GPC6: variants seen among roughly 807,000 people sequenced by gnomAD.
GPC6 encodes glypican-6.
A neutral mutation model predicts 55.2 loss-of-function variants in GPC6; 14 were observed. The ratio of observed to expected loss-of-function variants is 0.25; its 90% CI spans 0.17 to 0.40. GPC6 has a LOEUF of 0.40. GPC6 is among the 10% of genes least tolerant of loss of function. GPC6 has a pLI of 1.00. For synonymous variants in GPC6, 278 were observed against 259.6 expected, an observed-to-expected ratio of 1.07 and a Z score of -0.68; for missense variants, 641 against 708.5, an observed-to-expected ratio of 0.90 and a Z score of 1.08.
chr13:93,451,357 A>G (rs939875547), intron 1 of GPC6, among the ~76,000 whole-genome samples: 2 of 152,216 alleles, frequency 1.3e-5, no homozygotes, highest in African/African-American at 4.8e-5. Flanking sequence ...TTGTATTAAA[A>G]TAGGGTTTGG....
At chr13:93,788,758 T>C (rs527432460) in intron 2 of GPC6, among the ~76,000 whole-genome samples, 1 of 152,216 alleles carries the variant, frequency 6.6e-6, no homozygotes, top group African/African-American at 2.4e-5. Flanking sequence ...AAGGGTTTTG[T>C]GTACTGTGTT....
At chr13:93,989,247 T>C (rs998934853) in intron 3 of GPC6, among the ~76,000 whole-genome samples, 2 of 152,190 alleles carry the variant, frequency 1.3e-5, no homozygotes, top group Non-Finnish European at 2.9e-5. Context: ...AGGTTGTACA[T>C]GTCTGTTTTA....
intron 4 of GPC6, among the ~76,000 whole-genome samples, chr13:94,155,272 C>T (rs1446705671): frequency 6.6e-6 from 1 of 152,076 alleles, no homozygotes; most frequent in African/African-American, 2.4e-5. Context: ...TATTAATGGC[C>T]TCATCATTCT....
chr13:94,079,091 A>C (rs1885019319), intron 4 of GPC6, among the ~76,000 whole-genome samples: 1 of 152,136 alleles, frequency 6.6e-6, no homozygotes, highest in African/African-American at 2.4e-5. Flanking sequence ...ACAGTACAGT[A>C]TAACATCTAT....
intron 6 of GPC6, among the ~76,000 whole-genome samples, chr13:94,343,362 C>G (rs1226586047): frequency 6.6e-6 from 1 of 152,282 alleles, no homozygotes; most frequent in Middle Eastern, 3.4e-3. Flanking sequence ...CCTTTGCCTC[C>G]GCACAAAAGC....
chr13:94,230,219 A>G (rs1351337479), intron 4 of GPC6, among the ~76,000 whole-genome samples: 2 of 152,120 alleles, frequency 1.3e-5, no homozygotes, highest in African/African-American at 4.8e-5. Context: ...TTATCTAGAG[A>G]AAAGGAATTC....
intron 2 of GPC6, among the ~76,000 whole-genome samples, chr13:93,739,317 G>A (rs564918896): frequency 3.8e-4 from 57 of 151,922 alleles, no homozygotes; most frequent in Non-Finnish European, 7.4e-4. Context: ...ATGTGCCCTT[G>A]AATATATAAA....
chr13:93,855,912 C>A (rs1197921592), intron 3 of GPC6, among the ~76,000 whole-genome samples: 1 of 151,512 alleles, frequency 6.6e-6, no homozygotes, highest in Non-Finnish European at 1.5e-5. Context: ...TTTAATCATT[C>A]TTTCTATATT....
intron 3 of GPC6, among the ~76,000 whole-genome samples, chr13:93,954,575 G>T (rs1241433731): frequency 6.6e-6 from 1 of 152,126 alleles, no homozygotes. Context: ...ACCCATGCTA[G>T]TACTGTGACC....
chr13:93,786,804 C>T (rs1885828146), intron 2 of GPC6, among the ~76,000 whole-genome samples: 1 of 152,108 alleles, frequency 6.6e-6, no homozygotes, highest in Non-Finnish European at 1.5e-5. Context: ...TAAAGACTAT[C>T]AGTGAAACCA....
intron 6 of GPC6, among the ~76,000 whole-genome samples, chr13:94,359,237 T>C (rs1410561343): frequency 6.6e-6 from 1 of 152,196 alleles, no homozygotes; most frequent in Non-Finnish European, 1.5e-5. Context: ...GTTTTCCACA[T>C]AGGAAATAAT....
At chr13:94,237,412 T>TG (rs1204101407) in intron 4 of GPC6, among the ~76,000 whole-genome samples, 2 of 152,022 alleles carry the variant, frequency 1.3e-5, no homozygotes, top group African/African-American at 4.8e-5. Context: ...ACTACACCTG[T>TG]GAAAAACAGC....
chr13:93,590,687 C>T (rs1056865344), intron 2 of GPC6, among the ~76,000 whole-genome samples: 2 of 151,824 alleles, frequency 1.3e-5, no homozygotes, highest in African/African-American at 4.8e-5. Flanking sequence ...ATTGATAAGC[C>T]CAGAAAGTAG....
At chr13:93,741,181 C>T (rs1356921850) in intron 2 of GPC6, among the ~76,000 whole-genome samples, 1 of 119,400 alleles carries the variant, frequency 8.4e-6, no homozygotes, top group Non-Finnish European at 1.6e-5. Flanking sequence ...TGGAGTGCAT[C>T]TGGGCTCACT....
chr13:94,194,578 C>G (rs963306989), intron 4 of GPC6, among the ~76,000 whole-genome samples: 2 of 152,048 alleles, frequency 1.3e-5, no homozygotes, highest in Non-Finnish European at 2.9e-5. Flanking sequence ...AAGAATGATA[C>G]AGTGGACTTT....
intron 3 of GPC6, among the ~76,000 whole-genome samples, chr13:93,908,659 T>C (rs1876800752): frequency 6.6e-6 from 1 of 152,174 alleles, no homozygotes; most frequent in Non-Finnish European, 1.5e-5. Flanking sequence ...TTGACTTACC[T>C]AACTCATTTT....
chr13:93,855,915 T>C (rs999648277), intron 3 of GPC6, among the ~76,000 whole-genome samples: 1 of 151,706 alleles, frequency 6.6e-6, no homozygotes, highest in African/African-American at 2.4e-5. Flanking sequence ...AATCATTCTT[T>C]CTATATTTTG....
intron 3 of GPC6, among the ~76,000 whole-genome samples, chr13:94,007,156 A>T (rs1168727223): frequency 6.6e-6 from 1 of 152,166 alleles, no homozygotes; most frequent in African/African-American, 2.4e-5. Flanking sequence ...ATCTCACGTC[A>T]TCTGACACGA....
chr13:94,243,127 C>T (rs1190801714), intron 4 of GPC6, among the ~76,000 whole-genome samples: 1 of 152,164 alleles, frequency 6.6e-6, no homozygotes, highest in Admixed American at 6.6e-5. Context: ...TCCAGGGATG[C>T]TTTATCTTAT....
Sources: allele counts gnomAD v4.1 joint callset (sites outside exome capture counted in the v4.1 genomes callset), GRCh38; gene constraint gnomAD v4.1.1; transcripts MANE v1.5; gene names NCBI Gene and HGNC (gene_info 2026-07-23, HGNC 2026-07-21).